The following MTCL2 variants were observed in gnomAD, a reference collection of about 807,000 sequenced individuals.
MTCL2 encodes microtubule cross-linking factor 2.
the MTCL2 span, among the ~76,000 whole-genome samples, chr20:36,845,930 C>T: frequency 6.6e-6 from 1 of 152,130 alleles, no homozygotes; most frequent in Non-Finnish European, 1.5e-5. Flanking sequence ...TCTCCCAGCT[C>T]CCAGACCCCC....
At chr20:36,786,176 G>C in the MTCL2 span, 44 of 1,031,514 alleles carry the variant, frequency 4.3e-5, no homozygotes, top group African/African-American at 7.3e-4. Flanking sequence ...ACCAGGCAAG[G>C]CTCTCTCTTA....
chr20:36,785,782 A>G, the MTCL2 span: 1 of 985,316 alleles, frequency 1.0e-6, no homozygotes, highest in Non-Finnish European at 1.2e-6. Flanking sequence ...ATCACTCCCC[A>G]ACCCTGAGCC....
At chr20:36,862,485 G>A in the MTCL2 span, among the ~76,000 whole-genome samples, 1 of 152,228 alleles carries the variant, frequency 6.6e-6, no homozygotes, top group African/African-American at 2.4e-5. Context: ...AAAGTTGAGA[G>A]GGGGCGGGGG....
At chr20:36,784,503 G>A in the MTCL2 span, 2 of 985,430 alleles carry the variant, frequency 2.0e-6, no homozygotes, top group Admixed American at 6.1e-5. Context: ...CTGGCTTTTG[G>A]TCTTCCTGAT....
the MTCL2 span, among the ~76,000 whole-genome samples, chr20:36,847,119 A>C: frequency 6.6e-6 from 1 of 152,312 alleles, no homozygotes; most frequent in South Asian, 2.1e-4. Context: ...CGACCCTGTG[A>C]GGTAGGTGCT....
chr20:36,850,770 C>A, the MTCL2 span, among the ~76,000 whole-genome samples: 4 of 152,152 alleles, frequency 2.6e-5, no homozygotes, highest in Non-Finnish European at 5.9e-5. Context: ...AAAATTTTCT[C>A]CTGTTTAAAA....
At chr20:36,823,564 T>G in the MTCL2 span, among the ~76,000 whole-genome samples, 1 of 152,174 alleles carries the variant, frequency 6.6e-6, no homozygotes, top group Non-Finnish European at 1.5e-5. Context: ...CCCAGCACTT[T>G]GGGAAGCTGA....
chr20:36,817,297 A>C, the MTCL2 span: 21 of 954,590 alleles, frequency 2.2e-5, no homozygotes, highest in Non-Finnish European at 3.1e-5. Context: ...AAAGAAAAAA[A>C]GGAAAATGAG....
chr20:36,842,839 G>C, the MTCL2 span, among the ~76,000 whole-genome samples: 2 of 152,158 alleles, frequency 1.3e-5, no homozygotes, highest in African/African-American at 4.8e-5. Flanking sequence ...TCCCTGAGGA[G>C]CCAGGGGAAG....
chr20:36,846,247 C>T, the MTCL2 span, among the ~76,000 whole-genome samples: 2 of 152,084 alleles, frequency 1.3e-5, no homozygotes, highest in East Asian at 1.9e-4. Flanking sequence ...TGGGGAAACC[C>T]CAAGCCTCAT....
the MTCL2 span, chr20:36,793,792 G>A: frequency 2.3e-5 from 35 of 1,541,098 alleles, no homozygotes; most frequent in East Asian, 4.9e-5. This position sits in a 1 kb window ranked among gnomAD's most constrained non-coding sequence, Gnocchi z 6.8. Flanking sequence ...AGGGCCGCTC[G>A]ATGCGCGAAT....
chr20:36,819,411 C>T, the MTCL2 span, among the ~76,000 whole-genome samples: 2 of 152,070 alleles, frequency 1.3e-5, no homozygotes, highest in Admixed American at 6.6e-5. Flanking sequence ...AATCTGAGTC[C>T]CATTTTTCTG....
At chr20:36,785,655 T>G in the MTCL2 span, 2 of 985,332 alleles carry the variant, frequency 2.0e-6, no homozygotes, top group Non-Finnish European at 2.4e-6. Flanking sequence ...CAAGGCAGTG[T>G]ATTTAGGCAT....
chr20:36,804,651 G>T, the MTCL2 span: 1 of 1,540,764 alleles, frequency 6.5e-7, no homozygotes, highest in Non-Finnish European at 8.9e-7. Context: ...TAGGAGCATG[G>T]CCTTGGTATT....
chr20:36,810,717 C>CTCTCTCTCTCTCTCTCTCTCT, the MTCL2 span, among the ~76,000 whole-genome samples: 2 of 94,192 alleles, frequency 2.1e-5, no homozygotes, highest in African/African-American at 8.1e-5. Flanking sequence ...TCTCTCTCTC[C>CTCTCTCTCTCTCTCTCTCTCT]CTCTCTCTCT....
At chr20:36,822,852 G>C in the MTCL2 span, among the ~76,000 whole-genome samples, 3 of 151,736 alleles carry the variant, frequency 2.0e-5, no homozygotes, top group Admixed American at 2.0e-4. Flanking sequence ...CCGCCTCCCA[G>C]GTTCAAGCAA....
At chr20:36,816,116 C>T in the MTCL2 span, 38 of 1,613,530 alleles carry the variant, frequency 2.4e-5, 3 homozygotes, top group South Asian at 4.1e-4. Context: ...GCTCGGTCTC[C>T]CGCGAGTGGG....
At chr20:36,815,207 G>A in the MTCL2 span, 4 of 1,614,008 alleles carry the variant, frequency 2.5e-6, no homozygotes, top group Non-Finnish European at 3.4e-6. The surrounding 1 kb of genome is among the most constrained non-coding windows in gnomAD (Gnocchi z 5.3). Flanking sequence ...GTGATGAGAA[G>A]GACTCCTGCT....
At chr20:36,810,129 C>T in the MTCL2 span, 1 of 1,577,360 alleles carries the variant, frequency 6.3e-7, no homozygotes. Flanking sequence ...ACAGGGGACA[C>T]AGATAATGAG....
Sources: allele counts gnomAD v4.1 joint callset (sites outside exome capture counted in the v4.1 genomes callset), GRCh38; gene constraint gnomAD v4.1.1; non-coding constraint Gnocchi (gnomAD v3.1); transcripts MANE v1.5; gene names NCBI Gene and HGNC (gene_info 2026-07-23, HGNC 2026-07-21).